UBE2D2: variants seen among roughly 807,000 people sequenced by gnomAD.
The protein encoded by UBE2D2 is ubiquitin conjugating enzyme E2 D2.
In UBE2D2, 2 loss-of-function variants were observed where a neutral mutation model predicts 24.2. The observed-to-expected ratio is 0.08, with a 90% CI of 0.03 to 0.26. UBE2D2 has a LOEUF of 0.26. UBE2D2 is among the 10% of genes least tolerant of loss of function. The pLI, the probability that UBE2D2 is intolerant of heterozygous loss-of-function variation, is 1.00. For missense variants in UBE2D2, 44 were observed against 177.6 expected, an observed-to-expected ratio of 0.25 and a Z score of 4.28; for synonymous variants, 58 against 56.5, an observed-to-expected ratio of 1.03 and a Z score of -0.12.
intron 1 of UBE2D2, among the ~76,000 whole-genome samples, chr5:139,582,957 A>C (rs1753638976): frequency 6.7e-6 from 1 of 149,330 alleles, no homozygotes; most frequent in South Asian, 2.1e-4. Context: ...GGCGTGAGCC[A>C]CTGCGCCCGG....
At chr5:139,575,491 A>G (rs1370528890) in intron 1 of UBE2D2, among the ~76,000 whole-genome samples, 3 of 152,190 alleles carry the variant, frequency 2.0e-5, no homozygotes, top group African/African-American at 4.8e-5. Flanking sequence ...TTTCTAAACT[A>G]AAAAAGGGAT....
chr5:139,549,431 C>A (rs984307514), intron 1 of UBE2D2, among the ~76,000 whole-genome samples: 24 of 152,322 alleles, frequency 1.6e-4, no homozygotes, highest in African/African-American at 5.5e-4. Flanking sequence ...GGCGGCCCCG[C>A]ACTCCGAGCG....
At chr5:139,581,398 G>A (rs995632771) in intron 1 of UBE2D2, among the ~76,000 whole-genome samples, 20 of 151,916 alleles carry the variant, frequency 1.3e-4, no homozygotes, top group South Asian at 4.2e-4. Flanking sequence ...GCAGTGAGCC[G>A]AGATCACGCC....
At chr5:139,609,919 C>T (rs1264732081) in intron 2 of UBE2D2, among the ~76,000 whole-genome samples, 1 of 151,498 alleles carries the variant, frequency 6.6e-6, no homozygotes, top group Non-Finnish European at 1.5e-5. Context: ...TTACAGGCAC[C>T]TGCCACTACG....
At chr5:139,558,661 A>C (rs1753012401), upstream of UBE2D2, among the ~76,000 whole-genome samples, 1 of 152,202 alleles carries the variant, frequency 6.6e-6, no homozygotes, top group African/African-American at 2.4e-5. Context: ...AAAGAAAAAT[A>C]TGTATTGATA....
At chr5:139,585,526 C>T (rs1753710349) in intron 1 of UBE2D2, among the ~76,000 whole-genome samples, 1 of 152,034 alleles carries the variant, frequency 6.6e-6, no homozygotes, top group Non-Finnish European at 1.5e-5. Flanking sequence ...CTGTGCCTGG[C>T]CTATAGACTT....
At chr5:139,529,440 CA>C (rs1427113952) in intron 1 of UBE2D2, among the ~76,000 whole-genome samples, 3 of 152,110 alleles carry the variant, frequency 2.0e-5, no homozygotes, top group Non-Finnish European at 4.4e-5. Context: ...AAAAGTTACA[CA>C]GCAGAAAATA....
At chr5:139,543,193 CAT>C (rs1214709169) in intron 1 of UBE2D2, among the ~76,000 whole-genome samples, 1 of 152,136 alleles carries the variant, frequency 6.6e-6, no homozygotes, top group Non-Finnish European at 1.5e-5. Flanking sequence ...CCGTGCCTGG[CAT>C]ATGTTACTTT....
chr5:139,546,337 T>G (rs1048008885), intron 1 of UBE2D2, among the ~76,000 whole-genome samples: 4 of 151,920 alleles, frequency 2.6e-5, no homozygotes, highest in East Asian at 3.9e-4. Context: ...CCACTGAGCC[T>G]GGCTGCCTGG....
At chr5:139,622,320 C>G (rs956440344) in intron 5 of UBE2D2, among the ~76,000 whole-genome samples, 1 of 151,698 alleles carries the variant, frequency 6.6e-6, no homozygotes, top group African/African-American at 2.4e-5. Context: ...TCTCGGCTCA[C>G]TGCAACCTCC....
chr5:139,549,577 C>T (rs945389861), intron 1 of UBE2D2, among the ~76,000 whole-genome samples: 1 of 152,220 alleles, frequency 6.6e-6, no homozygotes, highest in Non-Finnish European at 1.5e-5. Flanking sequence ...CAGCACCTGC[C>T]CGCAGGGCAG....
At chr5:139,583,034 G>A (rs1753641898) in intron 1 of UBE2D2, among the ~76,000 whole-genome samples, 1 of 151,568 alleles carries the variant, frequency 6.6e-6, no homozygotes, top group African/African-American at 2.4e-5. Context: ...GAGTGCAATG[G>A]CACGATCTTG....
intron 1 of UBE2D2, among the ~76,000 whole-genome samples, chr5:139,548,187 A>T (rs1581484369): frequency 2.0e-5 from 1 of 49,308 alleles, no homozygotes; most frequent in East Asian, 3.7e-4. Context: ...AAAAAAATAA[A>T]AAAAAAAAAT....
At chr5:139,590,357 C>T (rs1206205912) in intron 1 of UBE2D2, among the ~76,000 whole-genome samples, 2 of 151,152 alleles carry the variant, frequency 1.3e-5, no homozygotes, top group Non-Finnish European at 2.9e-5. Flanking sequence ...ATCGCTTGAA[C>T]CCAGGAGGCG....
chr5:139,555,054 T>G (rs1280312178), intron 1 of UBE2D2: 1 of 152,126 alleles, frequency 6.6e-6, no homozygotes, highest in East Asian at 1.9e-4. Context: ...GTTTTTTGTT[T>G]TTTTTTTTTG....
chr5:139,547,960 G>T (rs771199675), intron 1 of UBE2D2, among the ~76,000 whole-genome samples: 1 of 151,832 alleles, frequency 6.6e-6, no homozygotes, highest in Non-Finnish European at 1.5e-5. Context: ...CTCCCAAAGC[G>T]TTGGGATTAC....
intron 1 of UBE2D2, among the ~76,000 whole-genome samples, chr5:139,577,096 C>T (rs1054699635): frequency 6.6e-6 from 1 of 151,536 alleles, no homozygotes; most frequent in African/African-American, 2.4e-5. Flanking sequence ...GATTGTCTGT[C>T]TGTAGGAAGA....
rs536612228 is a variant in UBE2D2 at position 139,597,491 on chromosome 5, A to C, written c.25-2881A>C. Among the ~76,000 whole-genome samples, 20 of 152,324 alleles carry C rather than the reference A, an allele frequency of 1.3e-4. No homozygotes were observed. The East Asian group carries it at 3.5e-3, about 26-fold the overall frequency. ...CCTGAAATGGACTGATGGATCTTGT[A>C]TTCTGCTTAGATAAATCTTAGCTCT... On this transcript the variant is annotated intron_variant, in intron 1 of 6. Transcript: ENST00000398733.
intron 1 of UBE2D2, among the ~76,000 whole-genome samples, chr5:139,532,042 G>A (rs1368283427): frequency 6.6e-6 from 1 of 152,012 alleles, no homozygotes; most frequent in African/African-American, 2.4e-5. Context: ...TTTTGGGGGT[G>A]TGAGGAAACA....
Sources: gnomAD v4.1 joint callset for allele counts (sites outside exome capture counted in the v4.1 genomes callset) on GRCh38, gnomAD v4.1.1 for gene constraint, MANE v1.5 for transcripts, NCBI Gene and HGNC (gene_info 2026-07-23, HGNC 2026-07-21) for gene names.